The following EFNB2 variants were observed in gnomAD, a reference collection of about 807,000 sequenced individuals.
EFNB2 encodes the protein ephrin B2.
A neutral mutation model predicts 32.1 loss-of-function variants in EFNB2; 5 were observed. The observed-to-expected ratio is 0.16, with a 90% CI of 0.08 to 0.33. The LOEUF (loss-of-function observed/expected upper bound fraction) is 0.33, where lower values mean the gene tolerates loss of function less well. EFNB2 is among the 10% of genes least tolerant of loss of function. The probability of loss-of-function intolerance (pLI) is 1.00; values close to 1 mark genes in which losing one functional copy is unlikely to be tolerated. For synonymous variants in EFNB2, 168 were observed against 166.5 expected (o/e 1.01, Z -0.07); for missense variants, 263 against 422.6 (o/e 0.62, Z 3.31).
Position 106,522,925 on chromosome 13 carries a change from A to G in EFNB2, c.123-10113T>C, listed in dbSNP as rs532740269. Among the ~76,000 whole-genome samples the G allele has an allele frequency of 2.6e-5, 4 of 152,292 alleles. No homozygotes were observed. In the East Asian group the frequency reaches 7.7e-4, roughly 29 times the overall value. On this transcript the variant is annotated intron_variant, in intron 1 of 4. Transcript: ENST00000646441. Reference sequence around the variant, plus strand: ...GTGTAATTAAAGAATGAACAAATTAATAAGGCATAAGATGAGATAAAACTC... The same window carrying G: ...GTGTAATTAAAGAATGAACAAATTAGTAAGGCATAAGATGAGATAAAACTC...
chr13:106,493,082 C>G lies in EFNB2; in HGVS notation c.960G>C (p.Glu320Asp). ...DYGHPVYIVQ[E>D]MPPQSPANIY... The stretch of plus-strand genomic sequence containing the variant: ...TGTTCGCCGGGCTCTGCGGGGGCAT[C>G]TCCTGGACGATGTACACCGGGTGCC... Residue 320 changes from glutamate (E) to aspartate (D), a missense_variant, in exon 5 of 5, where the codon GAG becomes GAC. This residue lies in a region of EFNB2 where 172 missense variants were observed against 237.1 expected (regional missense o/e 0.73). Coordinates refer to ENST00000646441, the MANE Select transcript of EFNB2 (RefSeq NM_004093.4). The surrounding 1 kb of genome is among the most constrained non-coding windows in gnomAD (Gnocchi z 6.1). The G allele has an allele frequency of 1.2e-6, 2 of 1,613,858 alleles. No individual in the cohort carries two copies. The highest frequency in any genetic ancestry group is 1.7e-6 in the Non-Finnish European group (2 of 1,179,944).
rs569507869 is a variant in EFNB2, at chr13:106,493,347, G to A, written c.695C>T (p.Ala232Val). The stretch of plus-strand genomic sequence containing the variant: ...GACGATGAAGATGATGCATCCTGAA[G>A]CAATCCCTGCAAATAAGGCCACTTC... ...GSEVALFAGIASGCIIFIVII... is the reference protein window; with the variant it reads ...GSEVALFAGIVSGCIIFIVII... Residue 232 changes from alanine (A) to valine (V), a missense_variant, in exon 5 of 5, where the codon GCT becomes GTT. Ala to Val is a moderately conservative substitution (Grantham distance 64). Coordinates refer to ENST00000646441, the MANE Select transcript of EFNB2 (RefSeq NM_004093.4). This position sits in a 1 kb window ranked among gnomAD's most constrained non-coding sequence, Gnocchi z 6.1. The A allele has an allele frequency of 3.7e-6, 6 of 1,614,146 alleles. No homozygotes were observed. In the South Asian group the frequency reaches 6.6e-5, roughly 18 times the overall value.
At chr13:106,495,878 GA>G (rs1311881359) in intron 2 of EFNB2, 38 bp from the exon 3 acceptor site, 2 of 1,568,078 alleles carry the variant, frequency 1.3e-6, no homozygotes, top group East Asian at 4.5e-5. Flanking sequence ...AAAAAATAAA[GA>G]AAAATCAGGA....
At position 106,535,151 on chromosome 13, in the gene EFNB2, GGCGCGGGGCGGGAGCGCAC is replaced by G. The variant is rs1179754806; in HGVS notation, c.-206_-188del. On this transcript the variant is annotated 5_prime_UTR_variant, in exon 1 of 5. Coordinates refer to ENST00000646441, the MANE Select transcript of EFNB2 (RefSeq NM_004093.4). Reference sequence around the variant, plus strand: ...TGCGCTCGCTCTCCGGGGCCCTCAGGGCGCGGGGCGGGAGCGCACGCGCGGGGCGCGGCGGCGCGGCGGA... The same window carrying G: ...TGCGCTCGCTCTCCGGGGCCCTCAGGGCGCGGGGCGCGGCGGCGCGGCGGA... 1.6e-5 allele frequency: 7 copies of G among 447,586 alleles called. No homozygotes were observed. 27.7% of individuals were successfully genotyped at this position (447,586 alleles called of 1,614,324 possible). A position where few individuals can be genotyped will look rare whatever the true frequency, so the allele number is the denominator to read the frequency against.
At chr13:106,505,417 TAA>T (rs1594166059) in intron 2 of EFNB2, among the ~76,000 whole-genome samples, 2 of 152,318 alleles carry the variant, frequency 1.3e-5, no homozygotes, top group African/African-American at 4.8e-5. Context: ...CTACTCACAC[TAA>T]GTTTCAGCTT....
chr13:106,534,109 T>C (rs1879974463), intron 1 of EFNB2, among the ~76,000 whole-genome samples: 1 of 152,116 alleles, frequency 6.6e-6, no homozygotes, highest in Non-Finnish European at 1.5e-5. Context: ...AGGAAGTGCA[T>C]TACAATCAGG....
chr13:106,512,958 A>G (rs1354078102), intron 1 of EFNB2, 146 bp from the exon 2 acceptor site: 3 of 680,188 alleles, frequency 4.4e-6, no homozygotes, highest in Admixed American at 6.3e-5. Flanking sequence ...CTTACTTCAG[A>G]TCAATATGGG....
At chr13:106,506,674 C>T (rs776662751) in intron 2 of EFNB2, 1 of 152,192 alleles carries the variant, frequency 6.6e-6, no homozygotes, top group Non-Finnish European at 1.5e-5. Context: ...AGCTTGCAGC[C>T]GAACACAGGT....
At position 106,518,597 on chromosome 13, in the gene EFNB2, T is replaced by C. The variant is rs906863426; in HGVS notation, c.123-5785A>G. The stretch of plus-strand genomic sequence containing the variant: ...GACTTTTCTGCTGACCTGTATTGCA[T>C]TATCGGGTCTCACAGGGTGCCTGGG... On this transcript the variant is annotated intron_variant, in intron 1 of 4. Coordinates refer to ENST00000646441, the MANE Select transcript of EFNB2 (RefSeq NM_004093.4). The surrounding 1 kb of genome is among the most constrained non-coding windows in gnomAD (Gnocchi z 4.1). The C allele has an allele frequency of 3.9e-5, 6 of 152,296 alleles. No homozygotes were observed. Among genetic ancestry groups the C allele is most frequent in the African/African-American group, 1.2e-4 (5 of 41,556 alleles). 9.4% of individuals were successfully genotyped at this position (152,296 alleles called of 1,614,324 possible).
At chr13:106,506,973 G>T (rs1878973834) in intron 2 of EFNB2, among the ~76,000 whole-genome samples, 1 of 152,064 alleles carries the variant, frequency 6.6e-6, no homozygotes, top group Non-Finnish European at 1.5e-5. Flanking sequence ...ACAGGGGGAG[G>T]GTGGTGGTGG....
chr13:106,510,509 T>A (rs1879106394), intron 2 of EFNB2, among the ~76,000 whole-genome samples: 1 of 152,216 alleles, frequency 6.6e-6, no homozygotes, highest in African/African-American at 2.4e-5. Context: ...GCATTATCGG[T>A]GGACGTGGGC....
At chr13:106,520,718 C>T (rs1879481381) in intron 1 of EFNB2, 1 of 152,194 alleles carries the variant, frequency 6.6e-6, no homozygotes. Context: ...TAAATAAAGG[C>T]AGGGCCTACG....
chr13:106,513,831 A>T (rs1044028646), intron 1 of EFNB2, among the ~76,000 whole-genome samples: 1 of 152,202 alleles, frequency 6.6e-6, no homozygotes, highest in Non-Finnish European at 1.5e-5. Flanking sequence ...TCGCCTCTGA[A>T]TCCTTCCAAT....
chr13:106,509,140 G>T (rs1004791147), intron 2 of EFNB2, among the ~76,000 whole-genome samples: 2 of 152,104 alleles, frequency 1.3e-5, no homozygotes, highest in African/African-American at 2.4e-5. Context: ...AAAGTTCAAA[G>T]AAATAAAATT....
chr13:106,523,761 C>T (rs1879612627), intron 1 of EFNB2, among the ~76,000 whole-genome samples: 1 of 152,164 alleles, frequency 6.6e-6, no homozygotes, highest in Non-Finnish European at 1.5e-5. Flanking sequence ...TCCCAGTTTG[C>T]TGTAGAAATA....
In EFNB2 at chr13:106,492,911, G is replaced by A. The variant is rs894437943; in HGVS notation, c.*129C>T. ...GTCCAGCGCGACGGGCTCTTCCGAG[G>A]AGGAGTGTCCCTCTCCCCCGGTGCT... On this transcript the variant is annotated 3_prime_UTR_variant, in exon 5 of 5. Coordinates refer to ENST00000646441, the MANE Select transcript of EFNB2 (RefSeq NM_004093.4). The surrounding 1 kb of genome is among the most constrained non-coding windows in gnomAD (Gnocchi z 5.1). 6.7e-5 allele frequency: 86 copies of A among 1,279,306 alleles called. No homozygotes were observed. The African/African-American group carries it at 1.2e-3, about 17-fold the overall frequency. The allele number at this position is 1,279,306 out of a possible 1,614,324, so 79.2% of individuals were successfully genotyped here.
chr13:106,524,560 T>C (rs1318917964), intron 1 of EFNB2, among the ~76,000 whole-genome samples: 1 of 152,182 alleles, frequency 6.6e-6, no homozygotes, highest in Non-Finnish European at 1.5e-5. Context: ...ACATAGTGAG[T>C]GCTATACACA....
intron 1 of EFNB2, among the ~76,000 whole-genome samples, chr13:106,529,132 T>C (rs1879794145): frequency 6.6e-6 from 1 of 152,188 alleles, no homozygotes; most frequent in African/African-American, 2.4e-5. Flanking sequence ...CAATGTGTCC[T>C]GTTTACCTTT....
At chr13:106,520,757 T>C (rs1566461579) in intron 1 of EFNB2, 1 of 118,438 alleles carries the variant, frequency 8.4e-6, no homozygotes, top group Non-Finnish European at 2.0e-5. Context: ...AAGAAATACT[T>C]GGAAAATGTT....
Sources: allele counts gnomAD v4.1 joint callset (sites outside exome capture counted in the v4.1 genomes callset), GRCh38; gene constraint gnomAD v4.1.1; regional missense constraint gnomAD v4.1.1; non-coding constraint Gnocchi (gnomAD v3.1); transcripts MANE v1.5; gene names NCBI Gene and HGNC (gene_info 2026-07-23, HGNC 2026-07-21).